Variants in CASP5 observed in about 807,000 individuals in gnomAD.
CASP5 encodes the protein caspase 5.
Under a neutral mutation model 45.2 loss-of-function variants are expected in CASP5, and 42 were observed. The observed-to-expected ratio is 0.93, with a 90% CI of 0.73 to 1.20. The LOEUF (loss-of-function observed/expected upper bound fraction) is 1.20, where lower values mean the gene tolerates loss of function less well. CASP5 is among the 50% of genes most tolerant of loss of function. The pLI, the probability that CASP5 is intolerant of heterozygous loss-of-function variation, is 0.00. For missense variants in CASP5, 512 were observed against 532.2 expected, an observed-to-expected ratio of 0.96 and a Z score of 0.37; for synonymous variants, 209 against 186.2, an observed-to-expected ratio of 1.12 and a Z score of -1.00.
intron 3 of CASP5, among the ~76,000 whole-genome samples, chr11:105,004,341 TG>T (rs1311178435): frequency 6.6e-6 from 1 of 152,196 alleles, no homozygotes. Flanking sequence ...TGGATAAGTT[TG>T]CTTCTGAGTA....
At chr11:104,998,851 C>T (rs758544516) in intron 7 of CASP5, 34 bp downstream of exon 7, 7 of 1,602,976 alleles carry the variant, frequency 4.4e-6, no homozygotes, top group Middle Eastern at 1.7e-4. Context: ...CCTCAGCACC[C>T]CCAAATTTTT....
At chr11:104,996,117 G>A (rs185884268) in intron 8 of CASP5, among the ~76,000 whole-genome samples, 59 of 152,256 alleles carry the variant, frequency 3.9e-4, no homozygotes, top group African/African-American at 1.4e-3. Flanking sequence ...TACGGATGTG[G>A]AAATCAATTA....
chr11:105,005,356 A>ATATGTG (rs1217061695), intron 3 of CASP5, among the ~76,000 whole-genome samples: 4 of 139,248 alleles, frequency 2.9e-5, no homozygotes, highest in Non-Finnish European at 4.6e-5. Flanking sequence ...GTATATATAT[A>ATATGTG]TGTGTGTGTG....
intron 8 of CASP5, 99 bp from the exon 9 acceptor site, chr11:104,995,941 A>G: frequency 1.4e-6 from 1 of 727,590 alleles, no homozygotes; most frequent in South Asian, 1.7e-5. Context: ...GAGAGCTTCC[A>G]GGGTTGATAG....
chr11:105,005,994 T>C (rs1260815280), intron 3 of CASP5, among the ~76,000 whole-genome samples: 1 of 152,168 alleles, frequency 6.6e-6, no homozygotes, highest in Admixed American at 6.5e-5. Flanking sequence ...TTATTTTGTA[T>C]AGTGAGGTTT....
In CASP5 at chr11:104,998,973, A is replaced by G; in HGVS notation, c.1008T>C (p.Ser336=). 6.2e-7 allele frequency: 1 copy of G among 1,613,924 alleles called. No homozygotes were observed. The highest frequency in any genetic ancestry group is 8.5e-7 in the Non-Finnish European group (1 of 1,179,820). The change falls in exon 7 of 10, where the codon TCT becomes TCC. Residue 336 remains serine (S), a synonymous_variant. Coordinates refer to ENST00000260315, the MANE Select transcript of CASP5 (RefSeq NM_004347.5). ...RDSPASLALI[S]SQSSENLEAD... is the part of the protein sequence containing the mutation. ...CCTCCAGGTTCTCAGATGACTGTGA[A>G]GAGATGAGTGCCAAGGATGCTGGAG...
chr11:105,021,154 T>C (rs10895758), intron 1 of CASP5, among the ~76,000 whole-genome samples: 47,603 of 150,880 alleles, frequency 0.32, 9,190 homozygotes, highest in East Asian at 0.55. Flanking sequence ...ATACAAAAAT[T>C]AATTCAAGAT....
chr11:105,013,131 T>C (rs547351), intron 1 of CASP5, among the ~76,000 whole-genome samples: 1 of 151,808 alleles, frequency 6.6e-6, no homozygotes, highest in Admixed American at 6.6e-5. Flanking sequence ...TTGATTAACA[T>C]GGATAACATT....
At chr11:105,004,484 T>C (rs1282825895) in intron 3 of CASP5, among the ~76,000 whole-genome samples, 2 of 152,136 alleles carry the variant, frequency 1.3e-5, no homozygotes, top group Non-Finnish European at 2.9e-5. Context: ...CAAAGAAGAA[T>C]TTAGTAAGAT....
In CASP5 at chr11:105,007,098, T is replaced by A. The variant is rs1862036177; in HGVS notation, c.418A>T (p.Ile140Phe). ...TQTLLNMDQK[I>F]TSVKPLLQIE... is the part of the protein sequence containing the mutation. Reference sequence around the variant, plus strand: ...GCAACCTTACGTTTTACACTGGTGATCTTTTGGTCCATATTGAGAAGTGTT... The same window carrying A: ...GCAACCTTACGTTTTACACTGGTGAACTTTTGGTCCATATTGAGAAGTGTT... Residue 140 changes from isoleucine to phenylalanine, a missense_variant, in exon 3 of 10, where the codon ATC (isoleucine) becomes TTC (phenylalanine). Transcript: ENST00000260315. 11 of 1,611,894 alleles carry A rather than the reference T, an allele frequency of 6.8e-6. No homozygotes were observed. Among genetic ancestry groups the A allele is most frequent in the Admixed American group, 3.4e-5 (2 of 59,650 alleles).
chr11:104,998,823 A>T, intron 7 of CASP5, 62 bp downstream of exon 7: 2 of 1,532,404 alleles, frequency 1.3e-6, no homozygotes, highest in South Asian at 2.4e-5. Context: ...TTGATTTCAT[A>T]GAATCATTCA....
intron 1 of CASP5, among the ~76,000 whole-genome samples, chr11:105,014,994 G>A (rs1301800026): frequency 1.3e-5 from 2 of 152,144 alleles, no homozygotes; most frequent in African/African-American, 2.4e-5. Context: ...AGAGCAGTGT[G>A]GGAAGAAACA....
chr11:105,003,350 G>T lies in CASP5; in HGVS notation c.467C>A (p.Ser156Ter). 1 of 1,602,962 alleles carries T rather than the reference G, an allele frequency of 6.2e-7. No individual in the cohort carries two copies. Among genetic ancestry groups the T allele is most frequent in the Non-Finnish European group, 8.5e-7 (1 of 1,175,688 alleles). The stretch of plus-strand genomic sequence containing the variant: ...TTTGAGTATATTTGTAGATTCTGCT[G>T]ACTCAGGTGGTCCAGCCTCGATTTG... ...LLQIEAGPPE[S>*]AESTNILKLC... The change falls in exon 4 of 10, where the codon TCA (serine) becomes TAA (stop). Residue 156 changes from serine to a stop codon, truncating the protein, a stop_gained. Coordinates refer to ENST00000260315, the MANE Select transcript of CASP5 (RefSeq NM_004347.5). LOFTEE classifies it high-confidence loss of function.
At chr11:104,996,901 C>A (rs1861493151) in intron 8 of CASP5, among the ~76,000 whole-genome samples, 1 of 152,074 alleles carries the variant, frequency 6.6e-6, no homozygotes, top group Non-Finnish European at 1.5e-5. Flanking sequence ...CTTTTTTATT[C>A]CCTGTTACAT....
chr11:105,014,421 C>A (rs1862490446), intron 1 of CASP5, among the ~76,000 whole-genome samples: 1 of 152,056 alleles, frequency 6.6e-6, no homozygotes, highest in South Asian at 2.1e-4. Context: ...GATTTCCAGC[C>A]TAATTCTCAG....
intron 1 of CASP5, among the ~76,000 whole-genome samples, chr11:105,009,758 T>TATATACACAC (rs1555079440): frequency 1.1e-4 from 10 of 90,276 alleles, no homozygotes; most frequent in African/African-American, 3.5e-4. Context: ...TATATATATA[T>TATATACACAC]ACACACACAC....
intron 1 of CASP5, among the ~76,000 whole-genome samples, chr11:105,011,703 A>C (rs1344040640): frequency 6.6e-6 from 1 of 151,764 alleles, no homozygotes; most frequent in Admixed American, 6.6e-5. Flanking sequence ...GCTATAAAAA[A>C]ATTTCATGAA....
At chr11:105,005,356 A>ATG (rs5794366) in intron 3 of CASP5, among the ~76,000 whole-genome samples, 9,012 of 139,222 alleles carry the variant, frequency 0.065, 257 homozygotes, top group African/African-American at 0.095. Flanking sequence ...GTATATATAT[A>ATG]TGTGTGTGTG....
chr11:105,009,054 C>G (rs761602214), intron 1 of CASP5, 74 bp from the exon 2 acceptor site: 75 of 1,356,946 alleles, frequency 5.5e-5, no homozygotes, highest in Non-Finnish European at 7.5e-5. Flanking sequence ...AGACAAAGCT[C>G]TGTAATGTGA....
Sources: gnomAD v4.1 joint callset for allele counts (sites outside exome capture counted in the v4.1 genomes callset) on GRCh38, gnomAD v4.1.1 for gene constraint, MANE v1.5 for transcripts, NCBI Gene and HGNC (gene_info 2026-07-23, HGNC 2026-07-21) for gene names.